The following KCNQ3 variants were observed in gnomAD, a reference collection of about 807,000 sequenced individuals.
The protein encoded by KCNQ3 is potassium voltage-gated channel subfamily KQT member 3.
In KCNQ3, 30 loss-of-function variants were observed where a neutral mutation model predicts 92.5. The ratio of observed to expected loss-of-function variants is 0.32; its 90% CI spans 0.24 to 0.44. KCNQ3 has a LOEUF of 0.44. Ranked by LOEUF, KCNQ3 falls within the 20% of genes least tolerant of loss-of-function variation. KCNQ3 has a pLI of 1.00. For missense variants in KCNQ3, 913 were observed against 1,140.3 expected (o/e 0.80, Z 2.87); for synonymous variants, 450 against 468.8 (o/e 0.96, Z 0.52).
intron 1 of KCNQ3, among the ~76,000 whole-genome samples, chr8:132,338,260 A>T (rs1248248129): frequency 2.6e-5 from 4 of 152,194 alleles, no homozygotes; most frequent in Non-Finnish European, 5.9e-5. Context: ...ATTAGTGTGT[A>T]AAGGCAGAAC....
chr8:132,293,953 C>G (rs6651174), intron 1 of KCNQ3, among the ~76,000 whole-genome samples: 5 of 150,364 alleles, frequency 3.3e-5, no homozygotes, highest in African/African-American at 1.2e-4. Context: ...GATTACTCCT[C>G]TAATGTTCTC....
intron 1 of KCNQ3, among the ~76,000 whole-genome samples, chr8:132,435,652 G>A (rs368843225): frequency 6.6e-6 from 1 of 152,152 alleles, no homozygotes; most frequent in African/African-American, 2.4e-5. Flanking sequence ...AGGAAGTAGC[G>A]AGAGAGCAAG....
intron 1 of KCNQ3, among the ~76,000 whole-genome samples, chr8:132,186,757 G>A (rs551803974): frequency 2.6e-4 from 39 of 152,268 alleles, no homozygotes; most frequent in African/African-American, 8.9e-4. Context: ...TTTTTGAAAT[G>A]CTAGAAAGAA....
At chr8:132,469,314 C>T (rs777231747) in intron 1 of KCNQ3, among the ~76,000 whole-genome samples, 9 of 152,184 alleles carry the variant, frequency 5.9e-5, no homozygotes, top group Non-Finnish European at 1.2e-4. Context: ...GTGGGGCCCA[C>T]CTGATCCTTC....
intron 1 of KCNQ3, among the ~76,000 whole-genome samples, chr8:132,200,916 C>T (rs1249887039): frequency 6.6e-6 from 1 of 152,146 alleles, no homozygotes; most frequent in Non-Finnish European, 1.5e-5. Flanking sequence ...CAGAATATCA[C>T]AGACTGAGAT....
At chr8:132,346,035 G>A (rs984192612) in intron 1 of KCNQ3, among the ~76,000 whole-genome samples, 1 of 152,002 alleles carries the variant, frequency 6.6e-6, no homozygotes, top group Non-Finnish European at 1.5e-5. Context: ...ATGATGAAAA[G>A]GTCATGATGG....
At chr8:132,406,453 G>A (rs549947551) in intron 1 of KCNQ3, among the ~76,000 whole-genome samples, 1 of 152,174 alleles carries the variant, frequency 6.6e-6, no homozygotes, top group East Asian at 1.9e-4. Context: ...TGAAGATTTG[G>A]TTCTGCCTTC....
At chr8:132,180,989 T>C (rs1826748452) in intron 3 of KCNQ3, among the ~76,000 whole-genome samples, 1 of 152,110 alleles carries the variant, frequency 6.6e-6, no homozygotes, top group Non-Finnish European at 1.5e-5. Flanking sequence ...TCCCTAGCAC[T>C]GTCAACGCCC....
intron 1 of KCNQ3, among the ~76,000 whole-genome samples, chr8:132,451,831 G>A (rs372221283): frequency 4.6e-5 from 7 of 152,230 alleles, no homozygotes; most frequent in South Asian, 2.1e-4. Flanking sequence ...CAGGAGCAGC[G>A]GGAAGGTGGG....
At chr8:132,442,092 G>A (rs1821553510) in intron 1 of KCNQ3, among the ~76,000 whole-genome samples, 4 of 152,140 alleles carry the variant, frequency 2.6e-5, no homozygotes, top group Admixed American at 2.0e-4. Flanking sequence ...GAGGTGGGGA[G>A]GAGGGAGAGA....
chr8:132,434,929 C>T (rs897079237), intron 1 of KCNQ3, among the ~76,000 whole-genome samples: 1 of 152,192 alleles, frequency 6.6e-6, no homozygotes, highest in Non-Finnish European at 1.5e-5. Context: ...CAATTTGAAC[C>T]TCTGTAAATT....
intron 1 of KCNQ3, among the ~76,000 whole-genome samples, chr8:132,289,788 C>A (rs957552466): frequency 2.0e-5 from 3 of 152,112 alleles, no homozygotes; most frequent in Non-Finnish European, 2.9e-5. Flanking sequence ...ATAAGTAGTG[C>A]ATTTATATTG....
chr8:132,422,348 A>G (rs141529696), intron 1 of KCNQ3, among the ~76,000 whole-genome samples: 2,198 of 152,278 alleles, frequency 0.014, 30 homozygotes, highest in Middle Eastern at 0.027. Flanking sequence ...CACTCACTGC[A>G]TCACTCCAGT....
chr8:132,326,391 ATTG>A (rs1247993530), intron 1 of KCNQ3, among the ~76,000 whole-genome samples: 1 of 152,206 alleles, frequency 6.6e-6, no homozygotes, highest in Non-Finnish European at 1.5e-5. Context: ...TTGAGTGTCC[ATTG>A]TGTGTTAGGC....
At chr8:132,374,371 G>A (rs533953126) in intron 1 of KCNQ3, among the ~76,000 whole-genome samples, 3 of 152,226 alleles carry the variant, frequency 2.0e-5, no homozygotes, top group East Asian at 1.9e-4. Context: ...AAACTTCATC[G>A]AGGGATGTCT....
At chr8:132,426,574 G>A (rs1396265790) in intron 1 of KCNQ3, among the ~76,000 whole-genome samples, 2 of 152,230 alleles carry the variant, frequency 1.3e-5, no homozygotes, top group African/African-American at 4.8e-5. Context: ...TCCAGTGTCA[G>A]GTGTCATAGG....
chr8:132,162,459 T>A (rs1337988870), intron 9 of KCNQ3, among the ~76,000 whole-genome samples: 1 of 152,106 alleles, frequency 6.6e-6, no homozygotes, highest in Non-Finnish European at 1.5e-5. Context: ...GGGACCTTGG[T>A]TTCCATAGAA....
intron 1 of KCNQ3, among the ~76,000 whole-genome samples, chr8:132,294,955 T>C (rs1816971740): frequency 6.6e-6 from 1 of 152,148 alleles, no homozygotes; most frequent in South Asian, 2.1e-4. Flanking sequence ...GAAGAAAATC[T>C]AGGCAATACA....
chr8:132,277,669 T>C (rs1816378522), intron 1 of KCNQ3, among the ~76,000 whole-genome samples: 1 of 152,108 alleles, frequency 6.6e-6, no homozygotes, highest in Non-Finnish European at 1.5e-5. Context: ...GAAGCCCAAA[T>C]GAGCAGATGG....
Sources: allele counts gnomAD v4.1 joint callset (sites outside exome capture counted in the v4.1 genomes callset), GRCh38; gene constraint gnomAD v4.1.1; transcripts MANE v1.5; gene names NCBI Gene and HGNC (gene_info 2026-07-23, HGNC 2026-07-21).